SPOCK3: variants seen among roughly 807,000 people sequenced by gnomAD.
SPOCK3 encodes SPARC (osteonectin), cwcv and kazal like domains proteoglycan 3.
A neutral mutation model predicts 56.6 loss-of-function variants in SPOCK3; 30 were observed. The observed-to-expected ratio is 0.53, with a 90% CI of 0.40 to 0.72. SPOCK3 has a LOEUF of 0.72. SPOCK3 is among the 30% of genes least tolerant of loss of function. SPOCK3 has a pLI of 0.00. For synonymous variants in SPOCK3, 196 were observed against 183.3 expected, an observed-to-expected ratio of 1.07 and a Z score of -0.56; for missense variants, 527 against 530.0, an observed-to-expected ratio of 0.99 and a Z score of 0.06.
intron 3 of SPOCK3, among the ~76,000 whole-genome samples, chr4:167,047,906 T>G (rs1246644787): frequency 6.6e-6 from 1 of 152,116 alleles, no homozygotes; most frequent in Non-Finnish European, 1.5e-5. Flanking sequence ...TTTAGCCAGG[T>G]GTGGTGATGT....
chr4:166,913,340 T>G (rs1326714556), intron 4 of SPOCK3, among the ~76,000 whole-genome samples: 1 of 152,188 alleles, frequency 6.6e-6, no homozygotes, highest in Non-Finnish European at 1.5e-5. Context: ...AAATCCATTC[T>G]CTTCTGCCAC....
chr4:166,977,433 CAAGAA>C lies in SPOCK3; in HGVS notation c.350+22911_350+22915del, dbSNP rs545120475. On this transcript the variant is annotated intron_variant, in intron 4 of 10. Coordinates refer to ENST00000357545, the MANE Select transcript of SPOCK3 (RefSeq NM_001040159.2). ...TTCATTATGATAATTATTAAGTAGG[CAAGAA>C]AGGCAAGAAAGAACTATTTATGAAT... Among the ~76,000 whole-genome samples, 32 of 22,194 alleles carry C rather than the reference CAAGAA, an allele frequency of 1.4e-3. No homozygotes were observed. In the South Asian group the frequency reaches 0.065, roughly 45 times the overall value. 14.6% of individuals were successfully genotyped at this position (22,194 alleles called of 152,430 possible).
intron 4 of SPOCK3, among the ~76,000 whole-genome samples, chr4:166,918,209 G>A (rs1049455770): frequency 6.6e-6 from 1 of 152,074 alleles, no homozygotes; most frequent in Non-Finnish European, 1.5e-5. Flanking sequence ...TTATCTTTCA[G>A]TGTGAGAAAA....
At chr4:167,027,494 TTC>T (rs549264717) in intron 3 of SPOCK3, among the ~76,000 whole-genome samples, 94 of 151,876 alleles carry the variant, frequency 6.2e-4, no homozygotes, top group African/African-American at 2.3e-3. Flanking sequence ...ATTATAAAAT[TTC>T]TATGTTGTTT....
At chr4:166,743,554 G>A (rs1349485180) in intron 8 of SPOCK3, among the ~76,000 whole-genome samples, 2 of 152,160 alleles carry the variant, frequency 1.3e-5, no homozygotes, top group South Asian at 2.1e-4. Context: ...CGCAGAAGAC[G>A]GGTGATTTCT....
At chr4:166,875,528 C>T (rs1732982821) in intron 6 of SPOCK3, among the ~76,000 whole-genome samples, 1 of 151,998 alleles carries the variant, frequency 6.6e-6, no homozygotes, top group Admixed American at 6.6e-5. Flanking sequence ...ATTCTATGTT[C>T]AAAATAAAGA....
chr4:166,972,309 T>C lies in SPOCK3; in HGVS notation c.350+28040A>G, dbSNP rs997749968. Among the ~76,000 whole-genome samples, 11 of 152,228 alleles carry C rather than the reference T, an allele frequency of 7.2e-5. 1 individual carries two copies. The highest frequency in any genetic ancestry group is 4.1e-4 in the South Asian group (2 of 4,824). On this transcript the variant is annotated intron_variant, in intron 4 of 10. Coordinates refer to ENST00000357545, the MANE Select transcript of SPOCK3 (RefSeq NM_001040159.2). ...ATCACAATAATGAATCAGATGAAAA[T>C]CTTCAATAAGAAACTTAAATGCACC...
intron 3 of SPOCK3, 30 bp downstream of exon 3, chr4:167,062,462 G>A (rs754390646): frequency 2.0e-6 from 3 of 1,529,794 alleles, no homozygotes; most frequent in Non-Finnish European, 2.7e-6. Context: ...ACATGTAAAG[G>A]TTTTTATTTT....
intron 2 of SPOCK3, among the ~76,000 whole-genome samples, chr4:167,217,355 G>GT (rs58611456): frequency 0.013 from 1,884 of 150,480 alleles, 17 homozygotes; most frequent in African/African-American, 0.014. Context: ...ATGTACAGAT[G>GT]TTTTTTTTTG....
At chr4:166,735,507 G>A (rs548793053) in intron 10 of SPOCK3, among the ~76,000 whole-genome samples, 2 of 151,964 alleles carry the variant, frequency 1.3e-5, no homozygotes, top group Non-Finnish European at 2.9e-5. Context: ...AAGTGACTTT[G>A]CAAATATGGT....
chr4:166,874,846 T>G (rs1732911889), intron 6 of SPOCK3, among the ~76,000 whole-genome samples: 2 of 152,188 alleles, frequency 1.3e-5, no homozygotes, highest in African/African-American at 4.8e-5. Context: ...TAGTAGAATT[T>G]TAATAGTAAC....
At chr4:167,055,455 A>T (rs1444936343) in intron 3 of SPOCK3, among the ~76,000 whole-genome samples, 6 of 152,276 alleles carry the variant, frequency 3.9e-5, no homozygotes, top group African/African-American at 1.4e-4. Flanking sequence ...TGGGCGCAGG[A>T]CAGTGGGTGC....
At chr4:167,154,139 A>G (rs1020590411) in intron 2 of SPOCK3, among the ~76,000 whole-genome samples, 3 of 152,192 alleles carry the variant, frequency 2.0e-5, no homozygotes, top group Non-Finnish European at 2.9e-5. Flanking sequence ...ATGTTCCTAT[A>G]GAAATATTAT....
At chr4:167,151,611 AT>A (rs1005084346) in intron 2 of SPOCK3, among the ~76,000 whole-genome samples, 2 of 151,038 alleles carry the variant, frequency 1.3e-5, no homozygotes, top group African/African-American at 4.9e-5. Flanking sequence ...ATTTTTTTGT[AT>A]TTTTAGTAGA....
rs367811359 is a variant in SPOCK3 at position 166,800,183 on chromosome 4, G to GAAAAAAAAAAAAAAAAAAAAA, written c.590-7915_590-7895dup. ...GGCGACAGAGAGAGACTCCATCTCA[G>GAAAAAAAAAAAAAAAAAAAAA]AAAAAAAAAAAAAAAAAAAAAAATG... On this transcript the variant is annotated intron_variant, in intron 6 of 10. Coordinates refer to ENST00000357545, the MANE Select transcript of SPOCK3 (RefSeq NM_001040159.2). 4.4e-4 allele frequency among the ~76,000 whole-genome samples: 23 copies of GAAAAAAAAAAAAAAAAAAAAA among 51,780 alleles called. 1 individual carries two copies. Among genetic ancestry groups the GAAAAAAAAAAAAAAAAAAAAA allele is most frequent in the East Asian group, 2.8e-3 (2 of 712 alleles). The allele number at this position is 51,780 out of a possible 152,430, so 34.0% of individuals were successfully genotyped here. A position where few individuals can be genotyped will look rare whatever the true frequency, so the allele number is the denominator to read the frequency against.
intron 3 of SPOCK3, among the ~76,000 whole-genome samples, chr4:167,006,851 C>A (rs1749522387): frequency 1.3e-5 from 2 of 152,222 alleles, no homozygotes; most frequent in South Asian, 4.1e-4. Context: ...AGCACTGCTT[C>A]TCTCACATAC....
At chr4:166,913,923 T>C (rs987429076) in intron 4 of SPOCK3, among the ~76,000 whole-genome samples, 2 of 152,088 alleles carry the variant, frequency 1.3e-5, no homozygotes, top group East Asian at 1.9e-4. Context: ...ATAGATACAA[T>C]GGGAGAAAAT....
intron 2 of SPOCK3, among the ~76,000 whole-genome samples, chr4:167,080,390 A>G (rs1193004855): frequency 6.6e-6 from 1 of 152,076 alleles, no homozygotes; most frequent in Non-Finnish European, 1.5e-5. Flanking sequence ...TATTGCAAAC[A>G]TTACCTGAGA....
At chr4:167,023,444 T>C (rs1474493441) in intron 3 of SPOCK3, among the ~76,000 whole-genome samples, 1 of 151,510 alleles carries the variant, frequency 6.6e-6, no homozygotes, top group Non-Finnish European at 1.5e-5. Context: ...AAGACTTGGA[T>C]CATCACACTA....
Sources: gnomAD v4.1 joint callset for allele counts (sites outside exome capture counted in the v4.1 genomes callset) on GRCh38, gnomAD v4.1.1 for gene constraint, MANE v1.5 for transcripts, NCBI Gene and HGNC (gene_info 2026-07-23, HGNC 2026-07-21) for gene names.